The following TENM2 variants were observed in gnomAD, a reference collection of about 807,000 sequenced individuals.
The protein encoded by TENM2 is teneurin-2.
Under a neutral mutation model 245.2 loss-of-function variants are expected in TENM2, and 52 were observed. That is an observed-to-expected ratio of 0.21 (90% CI 0.17 to 0.27). The LOEUF is 0.27. TENM2 is among the 10% of genes least tolerant of loss of function. The pLI is 1.00. For missense variants in TENM2, 3,046 were observed against 3,666.8 expected (o/e 0.83, Z 4.37); for synonymous variants, 1,363 against 1,438.9 (o/e 0.95, Z 1.19).
chr5:167,234,334 G>T, the TENM2 span, among the ~76,000 whole-genome samples: 1 of 152,162 alleles, frequency 6.6e-6, no homozygotes, highest in Non-Finnish European at 1.5e-5. Flanking sequence ...CTAACTGCCA[G>T]AGCTGAAGAA....
chr5:168,189,223 A>G (rs968753117), intron 13 of TENM2, among the ~76,000 whole-genome samples: 8 of 152,224 alleles, frequency 5.3e-5, no homozygotes, highest in African/African-American at 1.9e-4. Flanking sequence ...AGTTTTCAAC[A>G]TTGAACTTCG....
rs562776453 is a variant in TENM2, at chr5:167,602,119, G to A, written c.502+226646G>A. On this transcript the variant is annotated intron_variant, in intron 2 of 28. Coordinates refer to ENST00000518659, the Ensembl canonical transcript of TENM2. ...TGCTATGATCATTAAAGTTGCTGTC[G>A]TATTTCTCTTCTCTAGCATTTAAAT... is the stretch of plus-strand genomic sequence containing the variant. 3.3e-5 allele frequency among the ~76,000 whole-genome samples: 5 copies of A among 152,044 alleles called. No individual in the cohort carries two copies. The East Asian group carries it at 7.7e-4, about 24-fold the overall frequency.
At chr5:168,095,948 A>G (rs1793332743) in intron 8 of TENM2, among the ~76,000 whole-genome samples, 1 of 152,162 alleles carries the variant, frequency 6.6e-6, no homozygotes, top group African/African-American at 2.4e-5. Flanking sequence ...GGCCTCCCTC[A>G]GGTCGGGTGA....
At chr5:167,558,434 C>T in intron 2 of TENM2, among the ~76,000 whole-genome samples, 1 of 152,212 alleles carries the variant, frequency 6.6e-6, no homozygotes, top group East Asian at 1.9e-4. Context: ...GGGTCCCCAA[C>T]CCCCCGGCCA....
chr5:167,131,438 T>C, the TENM2 span, among the ~76,000 whole-genome samples: 1 of 152,248 alleles, frequency 6.6e-6, no homozygotes, highest in East Asian at 1.9e-4. Flanking sequence ...TCCTAATCCC[T>C]TTGATGGAGC....
chr5:167,077,259 A>C, the TENM2 span, among the ~76,000 whole-genome samples: 1 of 152,242 alleles, frequency 6.6e-6, no homozygotes. Context: ...TGTGGTGTTT[A>C]AACTTAACAA....
intron 2 of TENM2, among the ~76,000 whole-genome samples, chr5:167,782,205 C>T (rs1172075745): frequency 7.7e-5 from 11 of 143,526 alleles, no homozygotes; most frequent in East Asian, 4.2e-4. Context: ...CCCAGCTACT[C>T]GGGAGGCTGA....
chr5:168,001,435 C>T (rs1784415776), intron 5 of TENM2, among the ~76,000 whole-genome samples: 1 of 152,168 alleles, frequency 6.6e-6, no homozygotes, highest in African/African-American at 2.4e-5. Flanking sequence ...CAAATAATGG[C>T]ATAAATCTAA....
chr5:167,367,746 A>G (rs1343988907), intron 1 of TENM2, among the ~76,000 whole-genome samples: 1 of 152,106 alleles, frequency 6.6e-6, no homozygotes, highest in Non-Finnish European at 1.5e-5. Flanking sequence ...TTTAAATATA[A>G]CATATTTAAA....
chr5:167,664,706 A>G (rs961228391), intron 2 of TENM2, among the ~76,000 whole-genome samples: 1 of 152,252 alleles, frequency 6.6e-6, no homozygotes. Flanking sequence ...AAGAACATAA[A>G]AAAGTCATAT....
chr5:167,135,170 G>A, the TENM2 span, among the ~76,000 whole-genome samples: 1 of 152,066 alleles, frequency 6.6e-6, no homozygotes, highest in Admixed American at 6.5e-5. Flanking sequence ...TTTTATTATT[G>A]TTGTTATTTA....
At chr5:167,657,928 G>A (rs1008003937) in intron 2 of TENM2, among the ~76,000 whole-genome samples, 5 of 152,204 alleles carry the variant, frequency 3.3e-5, no homozygotes, top group Admixed American at 6.5e-5. Flanking sequence ...AGATGTTTGT[G>A]TCCTCTTCCA....
At chr5:167,131,402 T>C in the TENM2 span, among the ~76,000 whole-genome samples, 8 of 152,150 alleles carry the variant, frequency 5.3e-5, no homozygotes, top group African/African-American at 1.4e-4. Context: ...CCTGTCCAGA[T>C]TGATATTCCC....
chr5:167,175,561 A>C, the TENM2 span, among the ~76,000 whole-genome samples: 2 of 151,896 alleles, frequency 1.3e-5, no homozygotes, highest in Admixed American at 6.6e-5. Context: ...TTAATTGCCA[A>C]CTCCTGAATT....
intron 2 of TENM2, among the ~76,000 whole-genome samples, chr5:167,722,084 C>T (rs781329925): frequency 6.6e-6 from 1 of 152,084 alleles, no homozygotes; most frequent in Non-Finnish European, 1.5e-5. Flanking sequence ...GGACATCTCC[C>T]CTCTCCACTT....
At chr5:168,078,810 C>G (rs1250213481) in intron 7 of TENM2, among the ~76,000 whole-genome samples, 9 of 152,142 alleles carry the variant, frequency 5.9e-5, no homozygotes, top group Non-Finnish European at 1.0e-4. Context: ...GGTACCAGTA[C>G]CATGCTGTTT....
chr5:168,220,286 T>G (rs531546524), intron 23 of TENM2, among the ~76,000 whole-genome samples: 2 of 152,160 alleles, frequency 1.3e-5, no homozygotes, highest in East Asian at 3.9e-4. Flanking sequence ...ATTTGTTGGC[T>G]CTCCTGAAAG....
chr5:167,133,430 G>T, the TENM2 span, among the ~76,000 whole-genome samples: 2,871 of 152,200 alleles, frequency 0.019, 96 homozygotes, highest in African/African-American at 0.065. Flanking sequence ...CTCCATTAAA[G>T]AATAGAATAG....
intron 2 of TENM2, among the ~76,000 whole-genome samples, chr5:167,464,209 A>C (rs577303896): frequency 6.6e-6 from 1 of 152,180 alleles, no homozygotes; most frequent in Non-Finnish European, 1.5e-5. Context: ...TCTAGCCCTG[A>C]GGAAAAGTTT....
Sources: gnomAD v4.1 joint callset for allele counts (sites outside exome capture counted in the v4.1 genomes callset) on GRCh38, gnomAD v4.1.1 for gene constraint, MANE v1.5 for transcripts, NCBI Gene and HGNC (gene_info 2026-07-23, HGNC 2026-07-21) for gene names.